SRGAP2C: variants seen among roughly 807,000 people sequenced by gnomAD.
SRGAP2C encodes SLIT-ROBO Rho GTPase-activating protein 2C.
In SRGAP2C, 15 loss-of-function variants were observed where a neutral mutation model predicts 25.1. The ratio of observed to expected loss-of-function variants is 0.60; its 90% CI spans 0.40 to 0.92. The LOEUF (loss-of-function observed/expected upper bound fraction) is 0.92. Among genes scored for constraint, SRGAP2C ranks in the 40% least tolerant of loss-of-function variants. SRGAP2C has a pLI of 0.00. For missense variants in SRGAP2C, 144 were observed against 264.4 expected, an observed-to-expected ratio of 0.54 and a Z score of 3.16; for synonymous variants, 44 against 96.6, an observed-to-expected ratio of 0.46 and a Z score of 3.19.
chr1:121,286,705 G>A (rs1297109254), intron 3 of SRGAP2C, among the ~76,000 whole-genome samples: 1 of 152,136 alleles, frequency 6.6e-6, no homozygotes, highest in African/African-American at 2.4e-5. Flanking sequence ...TGACATTTGG[G>A]AAATGCTGTT....
intron 3 of SRGAP2C, among the ~76,000 whole-genome samples, chr1:121,308,814 C>CT (rs1240703191): frequency 6.8e-6 from 1 of 146,758 alleles, no homozygotes; most frequent in Non-Finnish European, 1.5e-5. Flanking sequence ...TGGCACATGC[C>CT]TGTAATCCCA....
Position 121,229,161 on chromosome 1 carries a change from ATTGC to A in SRGAP2C, c.67+41649_67+41652del, listed in dbSNP as rs1490057365. Among the ~76,000 whole-genome samples the A allele has an allele frequency of 3.4e-5, 4 of 117,240 alleles. No homozygotes were observed. In the East Asian group the frequency reaches 9.2e-4, roughly 27 times the overall value. The allele number at this position is 117,240 out of a possible 152,430, so 76.9% of individuals were successfully genotyped here. On this transcript the variant is annotated intron_variant, in intron 2 of 9. Coordinates refer to ENST00000367123, the MANE Select transcript of SRGAP2C (RefSeq NM_001329984.2). ...TCTGTCTAGGTCTCGGTCTCCAAAT[ATTGC>A]AGCTTCCCTTACAATGTAATTTGAT...
At chr1:121,385,355 GA>G (rs1425440866) in intron 8 of SRGAP2C, among the ~76,000 whole-genome samples, 2 of 100,050 alleles carry the variant, frequency 2.0e-5, no homozygotes, top group Non-Finnish European at 4.0e-5. Flanking sequence ...GGCAGCCAGA[GA>G]ATTTCACTCT....
At chr1:121,304,046 A>C in intron 3 of SRGAP2C, among the ~76,000 whole-genome samples, 1 of 88,092 alleles carries the variant, frequency 1.1e-5, no homozygotes, top group South Asian at 3.0e-4. Flanking sequence ...CTACTAAAAA[A>C]TACAAAAAAA....
chr1:121,371,056 A>T (rs1376894101), intron 5 of SRGAP2C, among the ~76,000 whole-genome samples: 1 of 152,098 alleles, frequency 6.6e-6, no homozygotes, highest in Non-Finnish European at 1.5e-5. Flanking sequence ...TTCAAAGTAA[A>T]GTGGAATATT....
intron 4 of SRGAP2C, chr1:121,360,950 T>G (rs1183985460): frequency 6.6e-4 from 91 of 137,060 alleles, no homozygotes; most frequent in Non-Finnish European, 6.3e-4. Flanking sequence ...AACTGGATTC[T>G]TTTTTGGAAA....
chr1:121,294,655 A>T, intron 3 of SRGAP2C, among the ~76,000 whole-genome samples: 2 of 91,002 alleles, frequency 2.2e-5, no homozygotes, highest in Non-Finnish European at 4.5e-5. Context: ...CTTGGTTTTG[A>T]TCTCCTGCTT....
At chr1:121,249,578 A>AT (rs1165185674) in intron 2 of SRGAP2C, among the ~76,000 whole-genome samples, 324 of 23,060 alleles carry the variant, frequency 0.014, 2 homozygotes, top group Non-Finnish European at 0.018. Context: ...ATATATATAT[A>AT]TATTTTTTTT....
Position 121,288,523 on chromosome 1 carries a change from G to A in SRGAP2C, c.260+3528G>A, listed in dbSNP as rs1287495304. Reference sequence around the variant, plus strand: ...AACCTTGAGCTAGATTCAGAGTGCCGATTGGTGTACTTACAGTCCTTGAGC... The same window carrying A: ...AACCTTGAGCTAGATTCAGAGTGCCAATTGGTGTACTTACAGTCCTTGAGC... On this transcript the variant is annotated intron_variant, in intron 3 of 9. Transcript: ENST00000367123. 9.0e-5 allele frequency among the ~76,000 whole-genome samples: 6 copies of A among 66,964 alleles called. 3 individuals carry two copies. Among genetic ancestry groups the A allele is most frequent in the African/African-American group, 4.4e-4 (6 of 13,590 alleles). 43.9% of individuals were successfully genotyped at this position (66,964 alleles called of 152,430 possible).
At chr1:121,234,817 C>T in intron 2 of SRGAP2C, among the ~76,000 whole-genome samples, 1 of 149,178 alleles carries the variant, frequency 6.7e-6, no homozygotes, top group South Asian at 2.1e-4. Flanking sequence ...CCCCTCTTGC[C>T]CTCTTGCTCT....
intron 2 of SRGAP2C, among the ~76,000 whole-genome samples, chr1:121,259,843 CTTTTTTTTT>C (rs782529398): frequency 2.8e-5 from 3 of 107,752 alleles, no homozygotes; most frequent in Admixed American, 1.0e-4. Flanking sequence ...TCTTCTTCTA[CTTTTTTTTT>C]TTTTTTTTTT....
At chr1:121,198,619 C>CAT (rs1654900083) in intron 2 of SRGAP2C, among the ~76,000 whole-genome samples, 3 of 139,822 alleles carry the variant, frequency 2.1e-5, no homozygotes. Flanking sequence ...CTGTTGCCAA[C>CAT]TCTTCTCCAA....
At chr1:121,308,673 T>C (rs1657906346) in intron 3 of SRGAP2C, among the ~76,000 whole-genome samples, 1 of 151,664 alleles carries the variant, frequency 6.6e-6, no homozygotes, top group Non-Finnish European at 1.5e-5. Flanking sequence ...GTGCGGTGGT[T>C]CACACCTGTA....
chr1:121,239,206 ATATATATATATATATATATATAC>A (rs2101488107), intron 2 of SRGAP2C, among the ~76,000 whole-genome samples: 2 of 4,578 alleles, frequency 4.4e-4, no homozygotes, highest in Non-Finnish European at 6.0e-4. Flanking sequence ...ATATATATAT[ATATATATATATATATATATATAC>A]TATATATATA....
chr1:121,196,992 A>G (rs587712741), intron 2 of SRGAP2C, among the ~76,000 whole-genome samples: 13 of 151,240 alleles, frequency 8.6e-5, no homozygotes, highest in South Asian at 2.1e-4. Flanking sequence ...GTTAATATTA[A>G]TCACTTCCCA....
At chr1:121,278,469 GCATACT>G in intron 2 of SRGAP2C, among the ~76,000 whole-genome samples, 1 of 149,174 alleles carries the variant, frequency 6.7e-6, no homozygotes, top group South Asian at 2.1e-4. Flanking sequence ...TGCTCTGTGC[GCATACT>G]CATTTGTTTA....
intron 4 of SRGAP2C, among the ~76,000 whole-genome samples, chr1:121,331,888 G>A (rs1228102954): frequency 6.6e-6 from 1 of 152,114 alleles, no homozygotes; most frequent in Non-Finnish European, 1.5e-5. Flanking sequence ...TAGTGATAGA[G>A]AATAGATATT....
At chr1:121,287,166 G>GAATA (rs1380595684) in intron 3 of SRGAP2C, among the ~76,000 whole-genome samples, 15 of 82,322 alleles carry the variant, frequency 1.8e-4, no homozygotes, top group African/African-American at 6.1e-4. Context: ...AAATATTGTG[G>GAATA]AATAAATAAA....
At chr1:121,217,659 C>CT (rs1655424658) in intron 2 of SRGAP2C, among the ~76,000 whole-genome samples, 1 of 152,198 alleles carries the variant, frequency 6.6e-6, no homozygotes, top group East Asian at 1.9e-4. Flanking sequence ...GCAGACTTCT[C>CT]TTGACATGAG....
Sources: gnomAD v4.1 joint callset for allele counts (sites outside exome capture counted in the v4.1 genomes callset) on GRCh38, gnomAD v4.1.1 for gene constraint, MANE v1.5 for transcripts, NCBI Gene and HGNC (gene_info 2026-07-23, HGNC 2026-07-21) for gene names.